Variants in FCN2 observed in about 807,000 individuals in gnomAD.
FCN2 encodes the protein ficolin 2.
FCN2 carries 31 observed loss-of-function variants against 32.5 expected under a neutral mutation model. The observed-to-expected ratio is 0.96, with a 90% CI of 0.72 to 1.29. The LOEUF is 1.29. FCN2 is among the 50% of genes most tolerant of loss of function. FCN2 has a pLI of 0.00. For synonymous variants in FCN2, 181 were observed against 164.5 expected (o/e 1.10, Z -0.77); for missense variants, 412 against 406.5 (o/e 1.01, Z -0.12).
At chr9:134,867,518 A>T in the FCN2 span, among the ~76,000 whole-genome samples, 2 of 146,440 alleles carry the variant, frequency 1.4e-5, no homozygotes, top group Non-Finnish European at 3.0e-5. Flanking sequence ...GAGGGATAGC[A>T]TTGGGAGATA....
rs1395332930 is a variant in FCN2 at position 134,885,664 on chromosome 9, G to T, written c.430-104G>T. The T allele has an allele frequency of 2.6e-6, 4 of 1,518,900 alleles. No homozygotes were observed. In the East Asian group the frequency reaches 6.8e-5, roughly 26 times the overall value. 94.1% of individuals were successfully genotyped at this position (1,518,900 alleles called of 1,614,324 possible). On this transcript the variant is annotated intron_variant, in intron 5 of 7. Transcript: ENST00000291744. Reference sequence around the variant, plus strand: ...TGGGCGTGCTGGTGACCCCGCCTGTGATGCTCTGCCAACTACAAATGCTGC... The same window carrying T: ...TGGGCGTGCTGGTGACCCCGCCTGTTATGCTCTGCCAACTACAAATGCTGC...
In FCN2 at chr9:134,886,592, C is replaced by T. The variant is rs754920466; in HGVS notation, c.694+28C>T. ...GAGTGTCTGCTTGGGGCTGTGTGGC[C>T]TGGGCTTCTGAGGGGGGTTTGGGAA... On this transcript the variant is annotated intron_variant, in intron 7 of 7. Coordinates refer to ENST00000291744, the MANE Select transcript of FCN2 (RefSeq NM_004108.3). The T allele has an allele frequency of 7.5e-5, 121 of 1,612,264 alleles. 2 individuals are homozygous for T. The Admixed American group carries it at 2.0e-3, about 26-fold the overall frequency.
chr9:134,872,931 A>G, the FCN2 span, among the ~76,000 whole-genome samples: 2 of 152,188 alleles, frequency 1.3e-5, no homozygotes, highest in Non-Finnish European at 2.9e-5. Flanking sequence ...CATCCTTGTC[A>G]GCACTGGGTA....
At chr9:134,871,878 A>G in the FCN2 span, among the ~76,000 whole-genome samples, 1 of 152,230 alleles carries the variant, frequency 6.6e-6, no homozygotes, top group South Asian at 2.1e-4. Flanking sequence ...CCAGCACCAC[A>G]ATTGAGACAA....
chr9:134,867,524 A>G, the FCN2 span, among the ~76,000 whole-genome samples: 4 of 148,216 alleles, frequency 2.7e-5, no homozygotes, highest in Non-Finnish European at 6.0e-5. Context: ...TAGCATTGGG[A>G]GATATACCTA....
chr9:134,882,317 A>G (rs1830675505), intron 1 of FCN2, among the ~76,000 whole-genome samples: 1 of 152,220 alleles, frequency 6.6e-6, no homozygotes, highest in Non-Finnish European at 1.5e-5. Flanking sequence ...AGTGCCCAAG[A>G]GGTGAGGACA....
At chr9:134,887,119 T>C (rs763249225) in intron 7 of FCN2, 49 bp from the exon 8 acceptor site, 1 of 1,611,142 alleles carries the variant, frequency 6.2e-7, no homozygotes, top group Non-Finnish European at 8.5e-7. Context: ...TTATACTGTC[T>C]GTAATGATGT....
In FCN2 at chr9:134,887,343, C is replaced by T; in HGVS notation, c.870C>T (p.Gly290=). The T allele has an allele frequency of 1.2e-6, 2 of 1,614,060 alleles. No individual in the cohort carries two copies. Among genetic ancestry groups the T allele is most frequent in the Non-Finnish European group, 1.7e-6 (2 of 1,179,964 alleles). The change falls in exon 8 of 8, where the codon GGC becomes GGT. Residue 290 remains glycine, a synonymous_variant. Coordinates refer to ENST00000291744, the MANE Select transcript of FCN2 (RefSeq NM_004108.3). ...GGACTCATGGCAGCTTTGCAAATGGCATCAACTGGAAGTCGGGGAAAGGAT... is the reference window on the plus strand; with the variant it reads ...GGACTCATGGCAGCTTTGCAAATGGTATCAACTGGAAGTCGGGGAAAGGAT... ...LRGTHGSFAN[G]INWKSGKGYN... is the part of the protein sequence containing the mutation.
In FCN2 at chr9:134,885,140, C is replaced by A; in HGVS notation, c.302-99C>A. On this transcript the variant is annotated intron_variant, in intron 4 of 7. Coordinates refer to ENST00000291744, the MANE Select transcript of FCN2 (RefSeq NM_004108.3). ...CAGAGTCCCGCTCTGTTCATACAGA[C>A]GCCTATGGCCCTGCTTCTTCCTCCC... 5 of 1,506,550 alleles carry A rather than the reference C, an allele frequency of 3.3e-6. No individual in the cohort carries two copies. The South Asian group carries it at 4.6e-5, about 14-fold the overall frequency. The allele number at this position is 1,506,550 out of a possible 1,614,324, so 93.3% of individuals were successfully genotyped here.
At chr9:134,879,867 G>C (rs927630398), upstream of FCN2, among the ~76,000 whole-genome samples, 1 of 152,182 alleles carries the variant, frequency 6.6e-6, no homozygotes, top group Non-Finnish European at 1.5e-5. Context: ...GTGGTAGTGG[G>C]AGGTGCAGTG....
At chr9:134,880,723 C>A, upstream of FCN2, 2 of 942,866 alleles carry the variant, frequency 2.1e-6, no homozygotes, top group Non-Finnish European at 3.4e-6. Flanking sequence ...GGAGAGGAAG[C>A]GGCTGTCACT....
the FCN2 span, among the ~76,000 whole-genome samples, chr9:134,865,398 G>A: frequency 2.0e-5 from 3 of 152,216 alleles, no homozygotes; most frequent in Non-Finnish European, 2.9e-5. Context: ...TGGTGGACCA[G>A]GGGCCAGGGT....
upstream of FCN2, among the ~76,000 whole-genome samples, chr9:134,879,115 T>C (rs1452049648): frequency 6.6e-6 from 1 of 152,246 alleles, no homozygotes; most frequent in Non-Finnish European, 1.5e-5. Flanking sequence ...AAATTCAGCA[T>C]GTGATAAACT....
chr9:134,880,477 G>A (rs1323139992), upstream of FCN2, among the ~76,000 whole-genome samples: 3 of 152,210 alleles, frequency 2.0e-5, no homozygotes, highest in African/African-American at 7.2e-5. Flanking sequence ...AACATCTTTA[G>A]CAAACCCTTC....
At chr9:134,879,231 T>A (rs1181285611), upstream of FCN2, among the ~76,000 whole-genome samples, 1 of 152,210 alleles carries the variant, frequency 6.6e-6, no homozygotes, top group Non-Finnish European at 1.5e-5. Context: ...TCTGTTGAAG[T>A]TATCCTGCAC....
chr9:134,876,555 T>C (rs1442037147), upstream of FCN2, among the ~76,000 whole-genome samples: 3 of 152,178 alleles, frequency 2.0e-5, no homozygotes, highest in South Asian at 2.1e-4. Context: ...AACTACAATT[T>C]CAATTTATTT....
intron 3 of FCN2, among the ~76,000 whole-genome samples, 171 bp downstream of exon 3, chr9:134,883,526 G>T (rs184696739): frequency 7.2e-4 from 109 of 151,414 alleles, no homozygotes; most frequent in African/African-American, 2.5e-3. Context: ...TGTGGGGGAA[G>T]GGGTCTCAAT....
At chr9:134,873,031 T>C in the FCN2 span, among the ~76,000 whole-genome samples, 1 of 152,148 alleles carries the variant, frequency 6.6e-6, no homozygotes, top group Non-Finnish European at 1.5e-5. Context: ...ACTGATGACG[T>C]TGAGCATCTT....
chr9:134,880,685 C>T, upstream of FCN2: 1 of 731,074 alleles, frequency 1.4e-6, no homozygotes, highest in Non-Finnish European at 2.5e-6. Context: ...GATGATCTCG[C>T]ACCTCCTGCT....
Sources: allele counts gnomAD v4.1 joint callset (sites outside exome capture counted in the v4.1 genomes callset), GRCh38; gene constraint gnomAD v4.1.1; transcripts MANE v1.5; gene names NCBI Gene and HGNC (gene_info 2026-07-23, HGNC 2026-07-21).